CTNNA2: variants seen among roughly 807,000 people sequenced by gnomAD.
CTNNA2 encodes catenin alpha 2.
A neutral mutation model predicts 101.0 loss-of-function variants in CTNNA2; 42 were observed. That is an observed-to-expected ratio of 0.42 (90% confidence interval 0.32 to 0.54). The LOEUF is 0.54. Ranked by LOEUF, CTNNA2 falls within the 20% of genes least tolerant of loss-of-function variation. CTNNA2 has a pLI of 0.14. For missense variants in CTNNA2, 871 were observed against 1,223.1 expected, an observed-to-expected ratio of 0.71 and a Z score of 4.29; for synonymous variants, 450 against 456.4, an observed-to-expected ratio of 0.99 and a Z score of 0.18.
In CTNNA2 at chr2:79,863,435, G is replaced by A. The variant is rs187210988; in HGVS notation, c.465+5256G>A. ...AGGTTTGCCTCTCCTCGAACCTATC[G>A]CTGGGCCTAGATTCAATAAGTCGGA... On this transcript the variant is annotated intron_variant, in intron 4 of 18. Coordinates refer to ENST00000402739, the MANE Select transcript of CTNNA2 (RefSeq NM_001282597.3). Among the ~76,000 whole-genome samples, 18 of 152,190 alleles carry A rather than the reference G, an allele frequency of 1.2e-4. No homozygotes were observed. In the East Asian group the frequency reaches 2.9e-3, roughly 25 times the overall value.
At chr2:79,371,717 G>A (rs1181531364) in intron 3 of CTNNA2, among the ~76,000 whole-genome samples, 1 of 152,078 alleles carries the variant, frequency 6.6e-6, no homozygotes, top group Non-Finnish European at 1.5e-5. Flanking sequence ...CAGTTTTATG[G>A]CTAAAAGTTC....
intron 7 of CTNNA2, among the ~76,000 whole-genome samples, chr2:80,234,758 A>G (rs116075018): frequency 1.0e-3 from 157 of 152,246 alleles, no homozygotes; most frequent in African/African-American, 3.7e-3. Context: ...GAGAAATATT[A>G]TGAAGACAGG....
chr2:80,039,499 T>G (rs1695894143), intron 7 of CTNNA2, among the ~76,000 whole-genome samples: 1 of 152,156 alleles, frequency 6.6e-6, no homozygotes, highest in Admixed American at 6.5e-5. Flanking sequence ...CTCTCCTGAC[T>G]TCTACACTGA....
At chr2:80,043,852 G>T (rs188491573) in intron 7 of CTNNA2, among the ~76,000 whole-genome samples, 121 of 152,292 alleles carry the variant, frequency 7.9e-4, no homozygotes, top group Middle Eastern at 3.4e-3. Context: ...CAAAGTCAAA[G>T]CACTTTTATT....
chr2:80,143,210 C>G (rs549035478), intron 7 of CTNNA2, among the ~76,000 whole-genome samples: 2 of 152,160 alleles, frequency 1.3e-5, no homozygotes, highest in Non-Finnish European at 2.9e-5. Context: ...CAGCCTTCCT[C>G]AGAACTTTAC....
At chr2:79,914,572 C>T (rs887923578) in intron 7 of CTNNA2, among the ~76,000 whole-genome samples, 1 of 152,106 alleles carries the variant, frequency 6.6e-6, no homozygotes, top group Non-Finnish European at 1.5e-5. Context: ...TGCATAAACT[C>T]TCTGTGTAGC....
chr2:80,300,247 T>C (rs933444552), intron 7 of CTNNA2, among the ~76,000 whole-genome samples: 1 of 150,200 alleles, frequency 6.7e-6, no homozygotes, highest in African/African-American at 2.5e-5. Flanking sequence ...CAAGATGAAG[T>C]TTCCTGGCCA....
At chr2:79,458,535 T>A (rs6738316) in intron 4 of CTNNA2, among the ~76,000 whole-genome samples, 1 of 152,132 alleles carries the variant, frequency 6.6e-6, no homozygotes, top group Non-Finnish European at 1.5e-5. Flanking sequence ...TATTTTTTCA[T>A]CACAATAGGA....
intron 7 of CTNNA2, among the ~76,000 whole-genome samples, chr2:80,235,495 G>A (rs1709499366): frequency 6.6e-6 from 1 of 152,214 alleles, no homozygotes; most frequent in East Asian, 1.9e-4. Context: ...AGGAAGTTGT[G>A]GGAAGCAGGA....
intron 9 of CTNNA2, among the ~76,000 whole-genome samples, chr2:80,527,797 G>A (rs949875796): frequency 6.6e-6 from 1 of 152,108 alleles, no homozygotes; most frequent in Non-Finnish European, 1.5e-5. Flanking sequence ...TACTCTAACT[G>A]AATTTAAAGT....
intron 3 of CTNNA2, among the ~76,000 whole-genome samples, chr2:79,324,992 C>T (rs1001511350): frequency 6.6e-6 from 1 of 152,152 alleles, no homozygotes; most frequent in Non-Finnish European, 1.5e-5. Context: ...AAATCCACCA[C>T]CCTTCAATAA....
chr2:80,098,430 T>G (rs1160424847), intron 7 of CTNNA2, among the ~76,000 whole-genome samples: 1 of 152,128 alleles, frequency 6.6e-6, no homozygotes, highest in Non-Finnish European at 1.5e-5. Flanking sequence ...GGGGGTTGCC[T>G]CCCAGTTAGG....
At chr2:79,195,925 T>A (rs1673954385) in intron 1 of CTNNA2, 1 of 450,110 alleles carries the variant, frequency 2.2e-6, no homozygotes, top group Non-Finnish European at 4.4e-6. Context: ...AGTAGGGGGA[T>A]GAACTCAGTT....
Position 79,376,953 on chromosome 2 carries a change from C to T in CTNNA2, c.-135+2940C>T, listed in dbSNP as rs141025699. On this transcript the variant is annotated intron_variant, in intron 4 of 21. Transcript: ENST00000466387. ...TAGTGTTGCAGTAATCATACGTGTG[C>T]GTGTGTCTTTATAGCAGCATGTTTT... Among the ~76,000 whole-genome samples the T allele has an allele frequency of 6.3e-3, 957 of 152,138 alleles. 8 individuals carry two copies. The highest frequency in any genetic ancestry group is 0.022 in the African/African-American group (900 of 41,486).
At chr2:79,371,080 C>T (rs2104454693) in intron 3 of CTNNA2, among the ~76,000 whole-genome samples, 1 of 152,152 alleles carries the variant, frequency 6.6e-6, no homozygotes, top group Non-Finnish European at 1.5e-5. Flanking sequence ...GGAAAATCCA[C>T]ACTCCCCTTA....
chr2:79,994,978 A>G (rs758791216), intron 7 of CTNNA2, among the ~76,000 whole-genome samples: 2 of 152,192 alleles, frequency 1.3e-5, no homozygotes, highest in Non-Finnish European at 2.9e-5. Flanking sequence ...CTCTGAAAAC[A>G]TAATTGGAGC....
At chr2:80,543,183 G>A (rs1691729839) in intron 9 of CTNNA2, among the ~76,000 whole-genome samples, 1 of 152,150 alleles carries the variant, frequency 6.6e-6, no homozygotes, top group African/African-American at 2.4e-5. Context: ...CACTTGGATT[G>A]TAAAATGAAC....
intron 3 of CTNNA2, among the ~76,000 whole-genome samples, chr2:79,834,142 A>G (rs993674604): frequency 2.0e-5 from 3 of 152,190 alleles, no homozygotes; most frequent in African/African-American, 7.2e-5. Context: ...GTTAAATAAT[A>G]TAGCTTATCA....
chr2:79,542,271 A>G (rs1232135107), intron 1 of CTNNA2, among the ~76,000 whole-genome samples: 1 of 152,174 alleles, frequency 6.6e-6, no homozygotes, highest in Non-Finnish European at 1.5e-5. Context: ...CAAAATCGAA[A>G]GAAAGAAATT....
Sources: allele counts gnomAD v4.1 joint callset (sites outside exome capture counted in the v4.1 genomes callset), GRCh38; gene constraint gnomAD v4.1.1; transcripts MANE v1.5; gene names NCBI Gene and HGNC (gene_info 2026-07-23, HGNC 2026-07-21).